The following ZFP91 variants were observed in gnomAD, a reference collection of about 807,000 sequenced individuals.
ZFP91 encodes the protein ZFP91 zinc finger protein, atypical E3 ubiquitin ligase, also known as E3 ubiquitin-protein ligase ZFP91.
Under a neutral mutation model 63.5 loss-of-function variants are expected in ZFP91, and 7 were observed. The observed-to-expected ratio is 0.11, with a 90% confidence interval of 0.06 to 0.21. ZFP91 has a LOEUF of 0.21. ZFP91 is among the 10% of genes least tolerant of loss of function. The probability of loss-of-function intolerance (pLI) is 1.00; values close to 1 mark genes in which losing one functional copy is unlikely to be tolerated. For synonymous variants in ZFP91, 330 were observed against 272.1 expected (o/e 1.21, Z -2.10); for missense variants, 628 against 736.6 (o/e 0.85, Z 1.71).
rs989077083 is a variant in ZFP91, at chr11:58,618,591, A to G, written c.*885A>G. 4.2e-5 allele frequency: 16 copies of G among 382,772 alleles called. No homozygotes were observed. The highest frequency in any genetic ancestry group is 4.1e-4 in the Middle Eastern group (1 of 2,420). 23.7% of individuals were successfully genotyped at this position (382,772 alleles called of 1,614,324 possible). A position where few individuals can be genotyped will look rare whatever the true frequency, so the allele number is the denominator to read the frequency against. ...AGGAAGTCTGATTTTTTTTTTTTGG[A>G]GTCTTTGTTGCTATATTTTGTGGGG... On this transcript the variant is annotated 3_prime_UTR_variant, in exon 11 of 11. Transcript: ENST00000316059.
chr11:58,601,905 C>CT (rs1349547440), intron 2 of ZFP91, among the ~76,000 whole-genome samples: 2 of 152,074 alleles, frequency 1.3e-5, no homozygotes, highest in East Asian at 3.8e-4. Flanking sequence ...TTTATTGAGA[C>CT]TTTTCAATAT....
intron 2 of ZFP91, among the ~76,000 whole-genome samples, chr11:58,600,970 G>A (rs372375885): frequency 8.6e-5 from 13 of 151,752 alleles, no homozygotes; most frequent in Non-Finnish European, 1.8e-4. Flanking sequence ...TTTGTATATC[G>A]AACCACCCTC....
chr11:58,592,615 C>G (rs1161306342), intron 2 of ZFP91, among the ~76,000 whole-genome samples: 1 of 152,020 alleles, frequency 6.6e-6, no homozygotes, highest in Non-Finnish European at 1.5e-5. Flanking sequence ...TGTGTGTAAT[C>G]TAAATAACTG....
chr11:58,615,207 G>A (rs1855730424), intron 9 of ZFP91, among the ~76,000 whole-genome samples: 1 of 152,260 alleles, frequency 6.6e-6, no homozygotes, highest in South Asian at 2.1e-4. Flanking sequence ...ACAGAGCCTG[G>A]CACAATACCA....
rs1323505281 is a variant in ZFP91 at position 58,621,442 on chromosome 11, A to C, written c.*3736A>C. On this transcript the variant is annotated 3_prime_UTR_variant, in exon 11 of 11. Coordinates refer to ENST00000316059, the MANE Select transcript of ZFP91 (RefSeq NM_053023.5). ...TACTGATTTTTATTTTAAAAAAGAAAAAACTATAATCCTTCTGCCTTCCAA... is the reference window on the plus strand; with the variant it reads ...TACTGATTTTTATTTTAAAAAAGAACAAACTATAATCCTTCTGCCTTCCAA... Among the ~76,000 whole-genome samples, 1 of 152,232 alleles carries C rather than the reference A, an allele frequency of 6.6e-6. No individual in the cohort carries two copies. Among genetic ancestry groups the C allele is most frequent in the Admixed American group, 6.5e-5 (1 of 15,290 alleles).
chr11:58,596,943 G>C (rs912417875), intron 2 of ZFP91, among the ~76,000 whole-genome samples: 20 of 152,112 alleles, frequency 1.3e-4, no homozygotes, highest in African/African-American at 4.6e-4. Flanking sequence ...GAGACTTAAA[G>C]ATTCTTATGA....
rs754027277 is a variant in ZFP91, at chr11:58,617,205, C to T, written c.1212C>T (p.Ile404=). Residue 404 remains isoleucine (I), a synonymous_variant, in exon 11 of 11, where the codon ATC becomes ATT. Transcript: ENST00000316059. The surrounding 1 kb of genome is among the most constrained non-coding windows in gnomAD (Gnocchi z 4.2). ...TTTCTCCTCTCCTTAGATGTGAGAT[C>T]TGTGGATTTACTTGTCGACAAAAGG... The part of the protein sequence containing the change: ...HTGEKPLQCE[I]CGFTCRQKAS... 6.3e-7 allele frequency: 1 copy of T among 1,589,142 alleles called. No individual in the cohort carries two copies. Among genetic ancestry groups the T allele is most frequent in the African/African-American group, 1.4e-5 (1 of 73,798 alleles).
intron 2 of ZFP91, among the ~76,000 whole-genome samples, chr11:58,598,089 C>G (rs890752059): frequency 1.2e-4 from 19 of 152,152 alleles, no homozygotes; most frequent in Admixed American, 1.2e-3. Context: ...GCAATAGCAA[C>G]AGGAGATAGC....
chr11:58,579,868 C>T (rs1222941549), intron 1 of ZFP91, among the ~76,000 whole-genome samples: 1 of 152,100 alleles, frequency 6.6e-6, no homozygotes, highest in African/African-American at 2.4e-5. Context: ...TTTGATACAC[C>T]CCTGCACTCG....
In ZFP91 at chr11:58,620,079, A is replaced by G. The variant is rs974590988; in HGVS notation, c.*2373A>G. ...CCTATACCGCTCTCCCAACAAAAAA[A>G]CAACTAGTTAGTTCTACTAATTAGA... On this transcript the variant is annotated 3_prime_UTR_variant, in exon 11 of 11. Coordinates refer to ENST00000316059, the MANE Select transcript of ZFP91 (RefSeq NM_053023.5). The G allele has an allele frequency of 8.5e-5, 13 of 152,250 alleles. No individual in the cohort carries two copies. Among genetic ancestry groups the G allele is most frequent in the Non-Finnish European group, 1.6e-4 (11 of 68,044 alleles). The allele number at this position is 152,250 out of a possible 1,614,324, so 9.4% of individuals were successfully genotyped here.
At chr11:58,594,074 A>G (rs994989473) in intron 2 of ZFP91, among the ~76,000 whole-genome samples, 1 of 152,190 alleles carries the variant, frequency 6.6e-6, no homozygotes, top group African/African-American at 2.4e-5. Context: ...TGCAGCCAAC[A>G]TGAACATTAA....
intron 2 of ZFP91, among the ~76,000 whole-genome samples, chr11:58,608,854 T>C (rs1197688599): frequency 2.6e-5 from 4 of 152,152 alleles, no homozygotes; most frequent in African/African-American, 9.7e-5. Context: ...CTGCCCGCCT[T>C]GGCCACTCAA....
Position 58,617,454 on chromosome 11 carries a change from A to C in ZFP91, c.1461A>C (p.Ser487=). 6.2e-7 allele frequency: 1 copy of C among 1,614,126 alleles called. No individual in the cohort carries two copies. The change falls in exon 11 of 11, where the codon TCA becomes TCC. Residue 487 remains serine, a synonymous_variant. Coordinates refer to ENST00000316059, the MANE Select transcript of ZFP91 (RefSeq NM_053023.5). This position sits in a 1 kb window ranked among gnomAD's most constrained non-coding sequence, Gnocchi z 4.2. ...ACCCAGAGTCCCTGACGCAGCCTTC[A>C]GATGGTCAGGGTCTTCCTCTTCTTC... is the stretch of plus-strand genomic sequence containing the variant. The part of the protein sequence containing the change: ...GTNPESLTQP[S]DGQGLPLLPE...
intron 2 of ZFP91, among the ~76,000 whole-genome samples, chr11:58,585,495 C>A (rs1207646207): frequency 6.6e-6 from 1 of 151,956 alleles, no homozygotes; most frequent in African/African-American, 2.4e-5. Flanking sequence ...TTGTTTTTTT[C>A]TAGTTTTTGG....
chr11:58,605,670 A>T (rs1279209603), intron 2 of ZFP91, among the ~76,000 whole-genome samples: 4 of 150,704 alleles, frequency 2.7e-5, no homozygotes, highest in Non-Finnish European at 4.4e-5. Context: ...CTTATGAGTC[A>T]CTTCTTGCTG....
At chr11:58,585,703 ATATG>A (rs2134390334) in intron 2 of ZFP91, among the ~76,000 whole-genome samples, 1 of 152,316 alleles carries the variant, frequency 6.6e-6, no homozygotes, top group East Asian at 1.9e-4. Flanking sequence ...ATAAAAGAAT[ATATG>A]TATATGCATT....
chr11:58,609,838 G>C lies in ZFP91; in HGVS notation c.379G>C (p.Glu127Gln), dbSNP rs1276986685. 3 of 1,613,898 alleles carry C rather than the reference G, an allele frequency of 1.9e-6. No homozygotes were observed. In the African/African-American group the frequency reaches 4.0e-5, roughly 22 times the overall value. ...TATGTCTTTTTATTTAGATCCCAAG[G>C]AAGAAAAAGAGGAAGAAGACGATTC... ...EKVTTDKDPK[E>Q]EKEEEDDSAL... is the part of the protein sequence containing the mutation. Residue 127 changes from glutamate (E) to glutamine (Q), a missense_variant, in exon 3 of 11, where the codon GAA becomes CAA. Coordinates refer to ENST00000316059, the MANE Select transcript of ZFP91 (RefSeq NM_053023.5).
intron 1 of ZFP91, among the ~76,000 whole-genome samples, chr11:58,581,564 T>C (rs1297251678): frequency 6.6e-6 from 1 of 152,238 alleles, no homozygotes; most frequent in Non-Finnish European, 1.5e-5. Flanking sequence ...TTTCACCATA[T>C]TGGCCGGGTT....
chr11:58,593,294 C>G (rs1175237092), intron 2 of ZFP91, among the ~76,000 whole-genome samples: 5 of 152,198 alleles, frequency 3.3e-5, no homozygotes, highest in Non-Finnish European at 7.3e-5. Context: ...CAGAGAGCAC[C>G]AGCAGGTGAT....
Sources: gnomAD v4.1 joint callset for allele counts (sites outside exome capture counted in the v4.1 genomes callset) on GRCh38, gnomAD v4.1.1 for gene constraint, Gnocchi (gnomAD v3.1) non-coding constraint, MANE v1.5 for transcripts, NCBI Gene and HGNC (gene_info 2026-07-23, HGNC 2026-07-21) for gene names.